ATP2B2: variants seen among roughly 807,000 people sequenced by gnomAD.
ATP2B2 encodes ATPase plasma membrane Ca2+ transporting 2, also known as plasma membrane calcium-transporting ATPase 2.
A neutral mutation model predicts 120.0 loss-of-function variants in ATP2B2; 15 were observed. The observed-to-expected ratio is 0.12, with a 90% CI of 0.08 to 0.19. The LOEUF (loss-of-function observed/expected upper bound fraction) is 0.19, where lower values mean the gene tolerates loss of function less well. Ranked by LOEUF, ATP2B2 falls within the 10% of genes least tolerant of loss-of-function variation. The pLI is 1.00. For synonymous variants in ATP2B2, 694 were observed against 700.3 expected (o/e 0.99, Z 0.14); for missense variants, 1,045 against 1,719.8 (o/e 0.61, Z 6.94).
intron 13 of ATP2B2, among the ~76,000 whole-genome samples, chr3:10,359,445 AAGGG>A (rs2060833428): frequency 6.6e-6 from 1 of 151,954 alleles, no homozygotes; most frequent in South Asian, 2.1e-4. Context: ...CAGAGAGGGG[AAGGG>A]ATTTGCTTAG....
At chr3:10,409,017 C>T (rs1575145763) in intron 3 of ATP2B2, among the ~76,000 whole-genome samples, 1 of 152,172 alleles carries the variant, frequency 6.6e-6, no homozygotes, top group Non-Finnish European at 1.5e-5. Flanking sequence ...AATAATAGCA[C>T]CTATCTATAG....
At chr3:10,498,125 G>A (rs554335259) in intron 1 of ATP2B2, among the ~76,000 whole-genome samples, 1 of 152,360 alleles carries the variant, frequency 6.6e-6, no homozygotes, top group East Asian at 1.9e-4. Context: ...ATGTCAAAAT[G>A]TATATCTTGG....
chr3:10,641,181 G>A (rs956126179), intron 1 of ATP2B2, among the ~76,000 whole-genome samples: 1 of 152,254 alleles, frequency 6.6e-6, no homozygotes, highest in Non-Finnish European at 1.5e-5. Flanking sequence ...AGATGGGGCA[G>A]CATAGCTTTT....
In ATP2B2 at chr3:10,342,870, G is replaced by A. The variant is rs1029959938; in HGVS notation, c.2799C>T (p.Thr933=). 1 of 1,614,002 alleles carries A rather than the reference G, an allele frequency of 6.2e-7. No individual in the cohort carries two copies. Among genetic ancestry groups the A allele is most frequent in the Non-Finnish European group, 8.5e-7 (1 of 1,179,982 alleles). The change falls in exon 19 of 23, where the codon ACC becomes ACT. Residue 933 remains threonine, a synonymous_variant. Coordinates refer to ENST00000360273, the MANE Select transcript of ATP2B2 (RefSeq NM_001001331.4). The surrounding 1 kb of genome is among the most constrained non-coding windows in gnomAD (Gnocchi z 4.4). The part of the protein sequence containing the change: ...LALATEPPTE[T]LLLRKPYGRN... ...GGCCGTACGGCTTCCTCAGCAGCAG[G>A]GTCTCCGTGGGCGGCTCAGTGGCCA...
At chr3:10,594,963 T>C (rs1288240482) in intron 2 of ATP2B2, among the ~76,000 whole-genome samples, 2 of 152,204 alleles carry the variant, frequency 1.3e-5, no homozygotes, top group Admixed American at 1.3e-4. Flanking sequence ...TCCCAGATAC[T>C]CACACTCAGT....
intron 2 of ATP2B2, among the ~76,000 whole-genome samples, chr3:10,601,242 C>A (rs912529319): frequency 2.0e-5 from 3 of 152,158 alleles, no homozygotes; most frequent in Non-Finnish European, 2.9e-5. Context: ...CCAGCGTGAG[C>A]CAGGACACTC....
At chr3:10,526,589 C>G (rs2067098575) in intron 3 of ATP2B2, among the ~76,000 whole-genome samples, 1 of 152,164 alleles carries the variant, frequency 6.6e-6, no homozygotes, top group African/African-American at 2.4e-5. Context: ...TGGGGGGATG[C>G]CAGATTCCCC....
chr3:10,503,112 G>A (rs960681066), intron 1 of ATP2B2, among the ~76,000 whole-genome samples: 4 of 152,258 alleles, frequency 2.6e-5, no homozygotes, highest in African/African-American at 9.6e-5. Context: ...GAACGCAGAG[G>A]AGGGCAGCGG....
intron 12 of ATP2B2, among the ~76,000 whole-genome samples, chr3:10,366,385 G>C (rs2061059006): frequency 6.6e-6 from 1 of 152,148 alleles, no homozygotes; most frequent in Non-Finnish European, 1.5e-5. Flanking sequence ...TGGGGACCTG[G>C]GGCTTCACCA....
In ATP2B2 at chr3:10,372,088, A is replaced by T. The variant is rs1028133363; in HGVS notation, c.1417-37T>A. 1.9e-6 allele frequency: 3 copies of T among 1,613,988 alleles called. No homozygotes were observed. The Admixed American group carries it at 5.0e-5, about 27-fold the overall frequency. ...GGCAGGTGAGAGGGCAACAGTGAGG[A>T]GAGGGGCTGGGGAGCATGGGGTGCC... On this transcript the variant is annotated intron_variant, in intron 11 of 22. Transcript: ENST00000360273.
rs369920268 is a variant in ATP2B2 at position 10,358,873 on chromosome 3, C to T, written c.1954G>A (p.Asp652Asn). Residue 652 changes from aspartate to asparagine, a missense_variant, in exon 14 of 23, where the codon GAC (aspartate) becomes AAC (asparagine). Transcript: ENST00000360273. Reference sequence around the variant, plus strand: ...ACCTTCTTTACCATCTCGTCCCGGTCGCGGGGCCGGAAGACACGAGGCTCT... The same window carrying T: ...ACCTTCTTTACCATCTCGTCCCGGTTGCGGGGCCGGAAGACACGAGGCTCT... ...AGEPRVFRPRDRDEMVKKVIE... is the reference protein window; with the variant it reads ...AGEPRVFRPRNRDEMVKKVIE... 16 of 1,613,954 alleles carry T rather than the reference C, an allele frequency of 9.9e-6. No homozygotes were observed. In the African/African-American group the frequency reaches 1.2e-4, roughly 12 times the overall value.
chr3:10,626,562 GGGATGGATGGATGGATGGATGGATGGAT>G (rs112765369), intron 1 of ATP2B2: 2 of 149,528 alleles, frequency 1.3e-5, no homozygotes, highest in Non-Finnish European at 3.0e-5. Context: ...GAGAGAGAAG[GGGATGGATGGATGGATGGATGGATGGAT>G]GGATGGATGG....
intron 1 of ATP2B2, among the ~76,000 whole-genome samples, chr3:10,464,306 C>T (rs191359520): frequency 8.5e-5 from 13 of 152,286 alleles, no homozygotes; most frequent in East Asian, 7.7e-4. Flanking sequence ...GCCATCTGCG[C>T]GGGGACAGAT....
chr3:10,379,425 G>A (rs1374916521), intron 8 of ATP2B2, 141 bp from the exon 9 acceptor site: 6 of 943,010 alleles, frequency 6.4e-6, no homozygotes, highest in Non-Finnish European at 8.3e-6. Flanking sequence ...GTGGGGATAC[G>A]GGTTGGGGAG....
At chr3:10,588,200 G>A (rs2068558793) in intron 2 of ATP2B2, among the ~76,000 whole-genome samples, 1 of 152,234 alleles carries the variant, frequency 6.6e-6, no homozygotes, top group Non-Finnish European at 1.5e-5. Flanking sequence ...ATATGGGGCT[G>A]CCCTGTGCGT....
chr3:10,584,861 G>C (rs543606603), intron 2 of ATP2B2, among the ~76,000 whole-genome samples: 3 of 152,140 alleles, frequency 2.0e-5, no homozygotes, highest in Admixed American at 6.5e-5. Flanking sequence ...TTCTTCCTCT[G>C]GGTTTCCCAC....
At chr3:10,667,547 C>T (rs2070975359) in intron 1 of ATP2B2, among the ~76,000 whole-genome samples, 1 of 152,226 alleles carries the variant, frequency 6.6e-6, no homozygotes, top group Non-Finnish European at 1.5e-5. Context: ...AAGTGCCACG[C>T]CATCAGAATG....
In ATP2B2 at chr3:10,328,109, A is replaced by G. The variant is rs1179846252; in HGVS notation, c.*705T>C. The G allele has an allele frequency of 6.7e-6, 1 of 149,126 alleles. No homozygotes were observed. The highest frequency in any genetic ancestry group is 2.0e-4 in the East Asian group (1 of 5,118). 9.2% of individuals were successfully genotyped at this position (149,126 alleles called of 1,614,324 possible). ...GCCGGCAAAGAAACTTTATATATCC[A>G]TGTATATATATTTATATATATATAT... On this transcript the variant is annotated 3_prime_UTR_variant, in exon 23 of 23. Transcript: ENST00000360273.
intron 2 of ATP2B2, among the ~76,000 whole-genome samples, chr3:10,412,474 C>T (rs1379131526): frequency 6.6e-6 from 1 of 152,138 alleles, no homozygotes; most frequent in Non-Finnish European, 1.5e-5. Flanking sequence ...CTTTATTTTT[C>T]CATGACAAGT....
Sources: allele counts gnomAD v4.1 joint callset (sites outside exome capture counted in the v4.1 genomes callset), GRCh38; gene constraint gnomAD v4.1.1; non-coding constraint Gnocchi (gnomAD v3.1); transcripts MANE v1.5; gene names NCBI Gene and HGNC (gene_info 2026-07-23, HGNC 2026-07-21).